The following ALPK1 variants were observed in gnomAD, a reference collection of about 807,000 sequenced individuals.
The protein encoded by ALPK1 is alpha-protein kinase 1.
In ALPK1, 110 loss-of-function variants were observed where a neutral mutation model predicts 120.6. That is an observed-to-expected ratio of 0.91 (90% CI 0.78 to 1.07). The LOEUF is 1.07. Ranked by LOEUF, ALPK1 falls within the 50% of genes least tolerant of loss-of-function variation. The pLI is 0.00. For missense variants in ALPK1, 1,498 were observed against 1,483.9 expected (o/e 1.01, Z -0.16); for synonymous variants, 582 against 560.3 (o/e 1.04, Z -0.55).
At chr4:112,398,406 C>T (rs1287177285) in intron 4 of ALPK1, among the ~76,000 whole-genome samples, 1 of 152,090 alleles carries the variant, frequency 6.6e-6, no homozygotes, top group East Asian at 1.9e-4. Context: ...GATCCTCCCA[C>T]CTCAACCTCC....
intron 2 of ALPK1, chr4:112,358,083 G>A (rs1412665316): frequency 3.4e-6 from 2 of 586,580 alleles, no homozygotes; most frequent in East Asian, 4.1e-5. Flanking sequence ...TGGACCCCCT[G>A]GTTGTCCTTA....
chr4:112,414,034 G>A (rs1733615700), intron 5 of ALPK1, among the ~76,000 whole-genome samples: 1 of 152,208 alleles, frequency 6.6e-6, no homozygotes, highest in South Asian at 2.1e-4. Flanking sequence ...TACACTGGGT[G>A]TCTCAGAGAG....
intron 4 of ALPK1, among the ~76,000 whole-genome samples, chr4:112,406,484 G>A (rs1733179414): frequency 1.3e-5 from 2 of 152,280 alleles, no homozygotes; most frequent in African/African-American, 4.8e-5. Flanking sequence ...AAGGCATTTT[G>A]GCATGCTAAG....
In ALPK1 at chr4:112,431,815, T is replaced by C; in HGVS notation, c.2268T>C (p.Asp756=). 1 of 1,614,132 alleles carries C rather than the reference T, an allele frequency of 6.2e-7. No individual in the cohort carries two copies. The highest frequency in any genetic ancestry group is 8.5e-7 in the Non-Finnish European group (1 of 1,180,020). Residue 756 remains aspartate, a synonymous_variant, in exon 11 of 16, where the codon GAT becomes GAC. Coordinates refer to ENST00000650871, the MANE Select transcript of ALPK1 (RefSeq NM_025144.4). The part of the protein sequence containing the change: ...IIVEFPETNC[D]VKDRQGKEQG... ...TTGAGTTTCCAGAAACCAACTGCGA[T>C]GTCAAAGACAGGCAGGGGAAAGAGC...
chr4:112,361,195 G>A (rs1002579694), intron 2 of ALPK1, among the ~76,000 whole-genome samples: 56 of 151,964 alleles, frequency 3.7e-4, no homozygotes, highest in African/African-American at 1.3e-3. Flanking sequence ...CAGGAAAGCC[G>A]AGACAATCCA....
chr4:112,318,088 TAAAC>T (rs1414680579), intron 2 of ALPK1, among the ~76,000 whole-genome samples: 4 of 152,224 alleles, frequency 2.6e-5, no homozygotes, highest in African/African-American at 9.6e-5. Flanking sequence ...AAGGAATTAA[TAAAC>T]AATTGTATTA....
chr4:112,307,891 T>G (rs1236435824), intron 1 of ALPK1, among the ~76,000 whole-genome samples: 2 of 152,094 alleles, frequency 1.3e-5, no homozygotes, highest in Non-Finnish European at 2.9e-5. Flanking sequence ...GGTACTGGTT[T>G]TTCCTTTCCA....
intron 5 of ALPK1, among the ~76,000 whole-genome samples, chr4:112,419,233 C>T (rs754230008): frequency 4.6e-5 from 7 of 152,080 alleles, no homozygotes; most frequent in Admixed American, 3.3e-4. Context: ...AAATTTAATT[C>T]GACTGTAAGC....
At chr4:112,311,475 G>A (rs141227129) in intron 1 of ALPK1, among the ~76,000 whole-genome samples, 277 of 152,262 alleles carry the variant, frequency 1.8e-3, no homozygotes, top group Non-Finnish European at 3.2e-3. Context: ...ATGCTAGGCT[G>A]TTAGCATGAC....
intron 1 of ALPK1, among the ~76,000 whole-genome samples, chr4:112,300,245 C>T (rs939830169): frequency 1.2e-4 from 19 of 152,096 alleles, no homozygotes; most frequent in African/African-American, 4.3e-4. Flanking sequence ...CAAGTATTTA[C>T]ATAAAATGGT....
At chr4:112,326,114 G>T (rs1472310493) in intron 2 of ALPK1, among the ~76,000 whole-genome samples, 1 of 152,144 alleles carries the variant, frequency 6.6e-6, no homozygotes, top group Non-Finnish European at 1.5e-5. Flanking sequence ...GAAAGTCTTT[G>T]CAGTAGAGAT....
At chr4:112,362,035 G>T (rs1468003824) in intron 2 of ALPK1, among the ~76,000 whole-genome samples, 1 of 152,236 alleles carries the variant, frequency 6.6e-6, no homozygotes, top group Non-Finnish European at 1.5e-5. Context: ...CCTAGGGGAA[G>T]GGGGAGAGCC....
chr4:112,417,365 A>G (rs1405314663), intron 5 of ALPK1, among the ~76,000 whole-genome samples: 2 of 152,262 alleles, frequency 1.3e-5, no homozygotes, highest in African/African-American at 2.4e-5. Context: ...TATCACTTAT[A>G]TAATTAATAA....
intron 2 of ALPK1, chr4:112,358,015 C>T: frequency 7.9e-6 from 5 of 633,002 alleles, no homozygotes; most frequent in African/African-American, 1.8e-5. Context: ...AGGGGCTGGA[C>T]TTCTCAGACA....
chr4:112,369,009 T>A (rs1731279966), intron 2 of ALPK1, among the ~76,000 whole-genome samples: 1 of 98,424 alleles, frequency 1.0e-5, no homozygotes, highest in Admixed American at 1.2e-4. Context: ...GCAGGTAACT[T>A]TTTAGGTTTC....
intron 4 of ALPK1, 87 bp downstream of exon 4, chr4:112,382,639 AAGCACAAGAC>A: frequency 6.3e-7 from 1 of 1,589,062 alleles, no homozygotes; most frequent in Non-Finnish European, 8.6e-7. Flanking sequence ...AATTTCTTTG[AAGCACAAGAC>A]AGCCCCCTAC....
chr4:112,382,310 T>TTTC, intron 3 of ALPK1, 88 bp from the exon 4 acceptor site: 7 of 762,290 alleles, frequency 9.2e-6, no homozygotes, highest in Admixed American at 4.2e-5. Context: ...TTTTTTTTTT[T>TTTC]GCCACTGAGG....
chr4:112,335,029 G>A (rs1009671816), intron 2 of ALPK1, among the ~76,000 whole-genome samples: 2 of 152,054 alleles, frequency 1.3e-5, no homozygotes, highest in Non-Finnish European at 2.9e-5. Flanking sequence ...AGGCCGAGGA[G>A]GGCGGATCAC....
intron 2 of ALPK1, among the ~76,000 whole-genome samples, chr4:112,340,975 C>A (rs1157336947): frequency 6.6e-6 from 1 of 152,158 alleles, no homozygotes; most frequent in Non-Finnish European, 1.5e-5. Context: ...GATTGAAAGC[C>A]CCCTAAAGAT....
Sources: gnomAD v4.1 joint callset for allele counts (sites outside exome capture counted in the v4.1 genomes callset) on GRCh38, gnomAD v4.1.1 for gene constraint, MANE v1.5 for transcripts, NCBI Gene and HGNC (gene_info 2026-07-23, HGNC 2026-07-21) for gene names.